ZNF600: variants seen among roughly 807,000 people sequenced by gnomAD.
ZNF600 encodes zinc finger protein KR-ZNF1.
A neutral mutation model predicts 7.3 loss-of-function variants in ZNF600; 4 were observed. The observed-to-expected ratio is 0.55, with a 90% confidence interval of 0.27 to 1.25. The LOEUF (loss-of-function observed/expected upper bound fraction) is 1.25, where lower values mean the gene tolerates loss of function less well. ZNF600 is among the 50% of genes most tolerant of loss of function. ZNF600 has a pLI of 0.12. For missense variants in ZNF600, 911 were observed against 922.1 expected, an observed-to-expected ratio of 0.99 and a Z score of 0.16; for synonymous variants, 290 against 308.9, an observed-to-expected ratio of 0.94 and a Z score of 0.64.
chr19:52,783,190 G>A (rs559644785), intron 1 of ZNF600, among the ~76,000 whole-genome samples: 7 of 152,024 alleles, frequency 4.6e-5, no homozygotes, highest in Non-Finnish European at 8.8e-5. Context: ...AGACACAGGA[G>A]TTTGGCAACT....
the ZNF600 span, among the ~76,000 whole-genome samples, chr19:52,832,720 T>C: frequency 6.6e-6 from 1 of 152,174 alleles, no homozygotes; most frequent in African/African-American, 2.4e-5. Flanking sequence ...AAACTCTAAA[T>C]TGTGCCATTG....
rs532258260 is a variant in ZNF600 at position 52,766,429 on chromosome 19, TG to T, written c.1533del (p.Tyr511Ter). ...AAAACCTTTTCACATTCTTCATATT[TG>T]TAAGGTTGCTCTCCAGTATGAATTG... On this transcript the variant is annotated frameshift_variant, in exon 4 of 4. Coordinates refer to ENST00000648973, the Ensembl canonical transcript of ZNF600. LOFTEE classifies it low-confidence loss of function (END_TRUNC). 2.2e-4 allele frequency: 354 copies of T among 1,614,186 alleles called. 4 individuals are homozygous for T. The East Asian group carries it at 6.2e-3, about 28-fold the overall frequency.
Position 52,766,316 on chromosome 19 carries a change from C to T in ZNF600, c.1647G>A (p.Ala549=), listed in dbSNP as rs368655211. The change falls in exon 4 of 4, where the codon GCG becomes GCA. Residue 549 remains alanine, a synonymous_variant. Transcript: ENST00000648973. ...TATGTTTTGCCAGATAGGAATGACA[C>T]GCAAAAGCCTTGTCACAAACCTTAC... The T allele has an allele frequency of 9.4e-5, 152 of 1,614,144 alleles. 2 individuals carry two copies. The South Asian group carries it at 1.3e-3, about 14-fold the overall frequency.
At chr19:52,828,514 G>A in the ZNF600 span, among the ~76,000 whole-genome samples, 1 of 152,052 alleles carries the variant, frequency 6.6e-6, no homozygotes, top group Non-Finnish European at 1.5e-5. Flanking sequence ...GCTCAATTAC[G>A]ATGTTACAAC....
At chr19:52,812,874 T>C in the ZNF600 span, among the ~76,000 whole-genome samples, 2 of 150,290 alleles carry the variant, frequency 1.3e-5, no homozygotes, top group Admixed American at 6.6e-5. Context: ...CTGATTACTA[T>C]AGTTTTAAGG....
chr19:52,774,540 G>T (rs2062657184), intron 3 of ZNF600, 35 bp downstream of exon 5: 1 of 982,796 alleles, frequency 1.0e-6, no homozygotes, highest in Non-Finnish European at 1.2e-6. Flanking sequence ...GACAAGAGCA[G>T]ACTCCTCATG....
upstream of ZNF600, among the ~76,000 whole-genome samples, chr19:52,790,517 T>C (rs1358296183): frequency 6.6e-6 from 1 of 151,804 alleles, no homozygotes; most frequent in Non-Finnish European, 1.5e-5. Flanking sequence ...AATAAATAAA[T>C]AAAACAATTA....
At chr19:52,796,083 G>C in the ZNF600 span, among the ~76,000 whole-genome samples, 1 of 152,186 alleles carries the variant, frequency 6.6e-6, no homozygotes, top group Non-Finnish European at 1.5e-5. Context: ...GCTGAAATGG[G>C]AGGATCCCTT....
At chr19:52,794,836 A>G in the ZNF600 span, among the ~76,000 whole-genome samples, 3 of 152,166 alleles carry the variant, frequency 2.0e-5, no homozygotes, top group African/African-American at 7.2e-5. Context: ...TATGGGTGAC[A>G]GAGTGACACT....
At chr19:52,832,576 T>C in the ZNF600 span, among the ~76,000 whole-genome samples, 66,903 of 151,500 alleles carry the variant, frequency 0.44, 17,152 homozygotes, top group African/African-American at 0.7. Context: ...GCTTGGGCAA[T>C]AGAGCGAGAC....
At chr19:52,831,640 C>G in the ZNF600 span, among the ~76,000 whole-genome samples, 2 of 151,924 alleles carry the variant, frequency 1.3e-5, no homozygotes, top group African/African-American at 4.8e-5. Context: ...GTAGCTGGGA[C>G]TACAGGTGCC....
At chr19:52,801,778 C>T in the ZNF600 span, 5 of 1,338,230 alleles carry the variant, frequency 3.7e-6, no homozygotes, top group Non-Finnish European at 5.1e-6. Context: ...AAATATGACA[C>T]AAAAAACAAT....
At chr19:52,769,202 T>A (rs1023290854) in intron 3 of ZNF600, among the ~76,000 whole-genome samples, 1 of 151,944 alleles carries the variant, frequency 6.6e-6, no homozygotes, top group African/African-American at 2.4e-5. Context: ...GAGAACACTC[T>A]CCTCCACCAC....
chr19:52,802,120 A>C, the ZNF600 span, among the ~76,000 whole-genome samples: 1 of 152,236 alleles, frequency 6.6e-6, no homozygotes, highest in Non-Finnish European at 1.5e-5. Flanking sequence ...ATATTGGTAA[A>C]TAATCCAAAA....
chr19:52,813,249 GA>G, the ZNF600 span, among the ~76,000 whole-genome samples: 899 of 62,964 alleles, frequency 0.014, 22 homozygotes, highest in African/African-American at 0.049. Context: ...CTTGAATGGT[GA>G]AAAAAAAAAA....
the ZNF600 span, among the ~76,000 whole-genome samples, chr19:52,795,763 A>G: frequency 2.0e-5 from 3 of 151,892 alleles, no homozygotes; most frequent in Non-Finnish European, 2.9e-5. Context: ...ACGAGGATTC[A>G]CCATGTTACC....
chr19:52,774,709 G>A lies in ZNF600; in HGVS notation c.64-8C>T, dbSNP rs1159059239. On this transcript the variant is annotated splice_polypyrimidine_tract_variant and splice_region_variant and intron_variant, in intron 2 of 3. Transcript: ENST00000648973. Reference sequence around the variant, plus strand: ...CCTGAAAGTCAAGCGTCCCTAAAATGAAACACACATTTCCACAAAACATTA... The same window carrying A: ...CCTGAAAGTCAAGCGTCCCTAAAATAAAACACACATTTCCACAAAACATTA... 2 of 985,354 alleles carry A rather than the reference G, an allele frequency of 2.0e-6. No homozygotes were observed. Among genetic ancestry groups the A allele is most frequent in the Non-Finnish European group, 2.4e-6 (2 of 829,932 alleles). The allele number at this position is 985,354 out of a possible 1,614,324, so 61.0% of individuals were successfully genotyped here. A position where few individuals can be genotyped will look rare whatever the true frequency, so the allele number is the denominator to read the frequency against.
intron 3 of ZNF600, among the ~76,000 whole-genome samples, 168 bp from the exon 6 acceptor site, chr19:52,767,940 T>C (rs1006802460): frequency 1.3e-5 from 2 of 152,004 alleles, no homozygotes; most frequent in African/African-American, 4.8e-5. Context: ...CAAGGGGCAA[T>C]TACATGTCCT....
the ZNF600 span, among the ~76,000 whole-genome samples, chr19:52,811,372 G>C: frequency 2.0e-3 from 288 of 146,848 alleles, 2 homozygotes; most frequent in South Asian, 8.9e-3. Flanking sequence ...GATGTGAGGA[G>C]CCCCTCTGCC....
Sources: gnomAD v4.1 joint callset for allele counts (sites outside exome capture counted in the v4.1 genomes callset) on GRCh38, gnomAD v4.1.1 for gene constraint, MANE v1.5 for transcripts, NCBI Gene and HGNC (gene_info 2026-07-23, HGNC 2026-07-21) for gene names.